MALRD1: variants seen among roughly 807,000 people sequenced by gnomAD.
MALRD1 encodes MAM and LDL receptor class A domain containing 1, also known as MAM and LDL-receptor class A domain-containing protein 1.
A neutral mutation model predicts 242.1 loss-of-function variants in MALRD1; 247 were observed. That is an observed-to-expected ratio of 1.02 (90% confidence interval 0.92 to 1.13). MALRD1 has a LOEUF of 1.13. MALRD1 is among the 50% of genes most tolerant of loss of function. The pLI is 0.00. For missense variants in MALRD1, 2,989 were observed against 2,533.1 expected (o/e 1.18, Z -3.86); for synonymous variants, 995 against 866.6 (o/e 1.15, Z -2.60).
chr10:19,484,974 C>T (rs1406207263), intron 29 of MALRD1, among the ~76,000 whole-genome samples: 1 of 152,044 alleles, frequency 6.6e-6, no homozygotes, highest in Non-Finnish European at 1.5e-5. Flanking sequence ...ATATATACAC[C>T]ATGAAATACT....
intron 33 of MALRD1, among the ~76,000 whole-genome samples, chr10:19,588,547 G>T (rs1211707969): frequency 6.6e-6 from 1 of 152,178 alleles, no homozygotes; most frequent in Non-Finnish European, 1.5e-5. Context: ...CAAAGCACAA[G>T]TATAGCTTTG....
chr10:19,189,558 A>G (rs548240733), intron 14 of MALRD1, among the ~76,000 whole-genome samples: 8 of 152,314 alleles, frequency 5.3e-5, no homozygotes, highest in African/African-American at 1.9e-4. Flanking sequence ...AAAATCCTCA[A>G]CAAAATATTA....
At chr10:19,694,526 T>C (rs996490520) in intron 38 of MALRD1, among the ~76,000 whole-genome samples, 4 of 152,140 alleles carry the variant, frequency 2.6e-5, no homozygotes, top group Admixed American at 6.5e-5. Flanking sequence ...GAATGAGATA[T>C]CATCTCACAC....
chr10:19,326,892 G>C (rs554850897), intron 22 of MALRD1, among the ~76,000 whole-genome samples: 16 of 152,166 alleles, frequency 1.1e-4, no homozygotes, highest in Admixed American at 2.6e-4. Flanking sequence ...ATCAGAAGTT[G>C]TTCCACTCTC....
chr10:19,636,542 T>C (rs1200563949), intron 36 of MALRD1, among the ~76,000 whole-genome samples: 1 of 151,988 alleles, frequency 6.6e-6, no homozygotes, highest in Non-Finnish European at 1.5e-5. Flanking sequence ...TCAAAATAAA[T>C]ATGTATAGTA....
intron 8 of MALRD1, among the ~76,000 whole-genome samples, chr10:19,128,931 T>C (rs1837367168): frequency 6.6e-6 from 1 of 152,064 alleles, no homozygotes; most frequent in South Asian, 2.1e-4. Context: ...CTCCAATTAG[T>C]ATAACAGATA....
rs1206650452 is a variant in MALRD1, at chr10:19,615,849, CT to C, written c.6071-3del. Reference sequence around the variant, plus strand: ...ATTAACTGGTGTCTTTGTGATGCTTCTTTTTAGAATGTCCATTAAATTACTG... The same window carrying C: ...ATTAACTGGTGTCTTTGTGATGCTTCTTTTAGAATGTCCATTAAATTACTG... On this transcript the variant is annotated splice_region_variant and splice_polypyrimidine_tract_variant and intron_variant, in intron 35 of 39. Coordinates refer to ENST00000454679, the MANE Select transcript of MALRD1 (RefSeq NM_001142308.3). 1.3e-6 allele frequency: 2 copies of C among 1,525,192 alleles called. No individual in the cohort carries two copies. Among genetic ancestry groups the C allele is most frequent in the South Asian group, 2.4e-5 (2 of 82,468 alleles). The allele number at this position is 1,525,192 out of a possible 1,614,324, so 94.5% of individuals were successfully genotyped here.
At chr10:19,447,049 C>G (rs1299161053) in intron 28 of MALRD1, among the ~76,000 whole-genome samples, 3 of 101,860 alleles carry the variant, frequency 2.9e-5, no homozygotes, top group Non-Finnish European at 6.0e-5. Context: ...GGAACACACA[C>G]ACACACACAC....
At chr10:19,289,271 C>T (rs554549016) in intron 21 of MALRD1, among the ~76,000 whole-genome samples, 6 of 152,130 alleles carry the variant, frequency 3.9e-5, no homozygotes, top group South Asian at 2.1e-4. Context: ...TTTGTATTTC[C>T]GTATTTCCTC....
At chr10:19,532,355 A>G (rs59815392) in intron 32 of MALRD1, among the ~76,000 whole-genome samples, 6,314 of 152,196 alleles carry the variant, frequency 0.041, 432 homozygotes, top group African/African-American at 0.14. Context: ...CCCAGGTTCA[A>G]GTGATTCTCC....
intron 32 of MALRD1, among the ~76,000 whole-genome samples, chr10:19,541,707 T>G (rs2131377916): frequency 6.6e-6 from 1 of 152,146 alleles, no homozygotes. Flanking sequence ...CACTTAGGAG[T>G]GTGTCAAGCA....
At chr10:19,605,915 CA>C (rs1419984015) in intron 34 of MALRD1, among the ~76,000 whole-genome samples, 1 of 152,098 alleles carries the variant, frequency 6.6e-6, no homozygotes, top group Non-Finnish European at 1.5e-5. Context: ...CACTGTGTTA[CA>C]TGTGGTGGAA....
At chr10:19,564,725 A>T (rs184671252) in intron 32 of MALRD1, among the ~76,000 whole-genome samples, 2 of 152,180 alleles carry the variant, frequency 1.3e-5, no homozygotes, top group Non-Finnish European at 2.9e-5. Flanking sequence ...GAAACAAATG[A>T]CATTAGAATT....
At chr10:19,654,082 A>G (rs1841019501) in intron 36 of MALRD1, among the ~76,000 whole-genome samples, 1 of 152,208 alleles carries the variant, frequency 6.6e-6, no homozygotes, top group Non-Finnish European at 1.5e-5. Flanking sequence ...TATTTAAAGC[A>G]TAATATTGTC....
At chr10:19,182,323 C>CTTT (rs1835541746) in intron 14 of MALRD1, among the ~76,000 whole-genome samples, 1 of 108,038 alleles carries the variant, frequency 9.3e-6, no homozygotes, top group African/African-American at 3.3e-5. Context: ...CCAAAACCTA[C>CTTT]ATTTTTTTTT....
intron 32 of MALRD1, among the ~76,000 whole-genome samples, chr10:19,548,190 G>A (rs1835327063): frequency 6.6e-6 from 1 of 150,918 alleles, no homozygotes; most frequent in Non-Finnish European, 1.5e-5. Context: ...CTAAAGATGG[G>A]GTTTCACCAT....
chr10:19,532,294 G>A (rs570871836), intron 32 of MALRD1, among the ~76,000 whole-genome samples: 3 of 152,092 alleles, frequency 2.0e-5, no homozygotes, highest in South Asian at 2.1e-4. Context: ...TTGCTCTGTC[G>A]CCCCGACTGA....
chr10:19,372,875 G>T (rs1845439369), intron 26 of MALRD1, among the ~76,000 whole-genome samples: 1 of 152,012 alleles, frequency 6.6e-6, no homozygotes, highest in Non-Finnish European at 1.5e-5. Context: ...ACGTAAGACT[G>T]GTGTAGTTTT....
At chr10:19,539,139 G>A (rs532581954) in intron 32 of MALRD1, among the ~76,000 whole-genome samples, 6 of 152,226 alleles carry the variant, frequency 3.9e-5, no homozygotes, top group South Asian at 4.1e-4. Context: ...AGATGGTTAC[G>A]ATATGCCATA....
Sources: allele counts gnomAD v4.1 joint callset (sites outside exome capture counted in the v4.1 genomes callset), GRCh38; gene constraint gnomAD v4.1.1; transcripts MANE v1.5; gene names NCBI Gene and HGNC (gene_info 2026-07-23, HGNC 2026-07-21).